PDXDC1: variants seen among roughly 807,000 people sequenced by gnomAD.
PDXDC1 encodes pyridoxal-dependent decarboxylase domain-containing protein 1.
A neutral mutation model predicts 100.1 loss-of-function variants in PDXDC1; 42 were observed. The observed-to-expected ratio is 0.42, with a 90% confidence interval of 0.33 to 0.54. The LOEUF (loss-of-function observed/expected upper bound fraction) is 0.54, where lower values mean the gene tolerates loss of function less well. Ranked by LOEUF, PDXDC1 falls within the 20% of genes least tolerant of loss-of-function variation. The probability of loss-of-function intolerance (pLI) is 0.10; values close to 1 mark genes in which losing one functional copy is unlikely to be tolerated. For missense variants in PDXDC1, 636 were observed against 979.2 expected (o/e 0.65, Z 4.68); for synonymous variants, 260 against 371.7 (o/e 0.70, Z 3.46).
Position 15,037,359 on chromosome 16 carries a change from G to A in PDXDC1, c.*1084G>A, listed in dbSNP as rs2043521024. 6.6e-6 allele frequency: 1 copy of A among 152,190 alleles called. No homozygotes were observed. The highest frequency in any genetic ancestry group is 6.5e-5 in the Admixed American group (1 of 15,286). 9.4% of individuals were successfully genotyped at this position (152,190 alleles called of 1,614,324 possible). A position where few individuals can be genotyped will look rare whatever the true frequency, so the allele number is the denominator to read the frequency against. ...AAGCTTTTGGGAGACCTGAAAATGG[G>A]AAAATTCACACTGGGTTTCTGGACT... On this transcript the variant is annotated 3_prime_UTR_variant, in exon 23 of 23. Coordinates refer to ENST00000396410, the MANE Select transcript of PDXDC1 (RefSeq NM_015027.4).
chr16:15,094,154 G>A, intron 16 of PDXDC1: 13 of 1,599,042 alleles, frequency 8.1e-6, no homozygotes, highest in Admixed American at 3.5e-5. Context: ...CCCAGTCCTC[G>A]ACGCGCCCAG....
At chr16:14,993,295 C>CCCCCA in intron 1 of PDXDC1, among the ~76,000 whole-genome samples, 1 of 111,832 alleles carries the variant, frequency 8.9e-6, no homozygotes, top group Admixed American at 1.4e-4. Context: ...CTCCTCCCTC[C>CCCCCA]CCCCACCCCA....
Position 15,130,806 on chromosome 16 carries a change from G to A in PDXDC1, c.1400-8073G>A, listed in dbSNP as rs995085518. On this transcript the variant is annotated intron_variant, in intron 16 of 16. Coordinates refer to the PDXDC1 transcript ENST00000535621. ...CAGGTAGCGGCCTGGGGCAGAACGC[G>A]CAGGTCACACGCCTGCTGGGAAGCT... is the stretch of plus-strand genomic sequence containing the variant. 14 of 919,880 alleles carry A rather than the reference G, an allele frequency of 1.5e-5. 2 individuals carry two copies. The highest frequency in any genetic ancestry group is 4.4e-5 in the African/African-American group (3 of 68,242). 57.0% of individuals were successfully genotyped at this position (919,880 alleles called of 1,614,324 possible). A position where few individuals can be genotyped will look rare whatever the true frequency, so the allele number is the denominator to read the frequency against.
intron 16 of PDXDC1, among the ~76,000 whole-genome samples, chr16:15,062,300 AG>A (rs1367339114): frequency 1.3e-5 from 2 of 152,228 alleles, no homozygotes; most frequent in African/African-American, 4.8e-5. Context: ...AAACATGACG[AG>A]TCATTCTTGC....
chr16:15,070,990 T>G, intron 16 of PDXDC1: 1 of 698,440 alleles, frequency 1.4e-6, no homozygotes, highest in African/African-American at 1.8e-5. Flanking sequence ...ATAAACATCT[T>G]GCACAGAGTA....
chr16:15,084,382 G>C (rs989331239), intron 16 of PDXDC1, among the ~76,000 whole-genome samples: 7 of 152,142 alleles, frequency 4.6e-5, no homozygotes, highest in African/African-American at 1.7e-4. Flanking sequence ...TAGCATATCT[G>C]TTGAAGATAA....
Position 15,135,782 on chromosome 16 carries a change from T to C in PDXDC1, c.1400-3097T>C. On this transcript the variant is annotated intron_variant, in intron 16 of 16. Coordinates refer to the PDXDC1 transcript ENST00000535621. The stretch of plus-strand genomic sequence containing the variant: ...TGACCACACGCGGTATGAGCCACCC[T>C]CAGTGATGGGCACCAGGCGCTCAGG... 8 of 1,590,770 alleles carry C rather than the reference T, an allele frequency of 5.0e-6. No individual in the cohort carries two copies. In the South Asian group the frequency reaches 8.9e-5, roughly 18 times the overall value.
At chr16:14,989,160 T>A in intron 1 of PDXDC1, 1 of 1,614,186 alleles carries the variant, frequency 6.2e-7, no homozygotes, top group Non-Finnish European at 8.5e-7. Flanking sequence ...GAGGAGCTGG[T>A]GGTCTTGAAG....
At chr16:14,996,272 C>A in intron 1 of PDXDC1, 1 of 355,636 alleles carries the variant, frequency 2.8e-6, no homozygotes, top group South Asian at 2.3e-5. Flanking sequence ...GGAGGCAATG[C>A]AGTTTTAAAT....
At chr16:15,077,528 T>A (rs903388127) in intron 16 of PDXDC1, among the ~76,000 whole-genome samples, 5 of 152,278 alleles carry the variant, frequency 3.3e-5, no homozygotes, top group African/African-American at 1.2e-4. Flanking sequence ...CCCAGCCATG[T>A]GGAACTGTAA....
intron 16 of PDXDC1, chr16:15,083,378 G>A (rs1452424509): frequency 4.2e-5 from 58 of 1,389,208 alleles, no homozygotes; most frequent in Middle Eastern, 5.3e-4. Flanking sequence ...CAGCTTGGGC[G>A]ACAGAGTGAG....
intron 16 of PDXDC1, chr16:15,085,734 T>C (rs781309167): frequency 6.8e-6 from 11 of 1,611,458 alleles, no homozygotes; most frequent in Admixed American, 1.7e-5. Context: ...TATTCTGTCA[T>C]TGATCTAGAC....
chr16:15,131,607 GT>G, intron 16 of PDXDC1: 1 of 1,602,824 alleles, frequency 6.2e-7, no homozygotes, highest in African/African-American at 1.4e-5. Flanking sequence ...CAGAGGTCAG[GT>G]TGTAGGCCTG....
chr16:15,038,008 CTTTCTTTGGTAATTCATGTTTTT>C lies in PDXDC1; in HGVS notation c.*1735_*1757del. On this transcript the variant is annotated 3_prime_UTR_variant, in exon 23 of 23. Coordinates refer to ENST00000396410, the MANE Select transcript of PDXDC1 (RefSeq NM_015027.4). ...AATGGTCTGTCAGGCCAAGAAGGTG[CTTTCTTTGGTAATTCATGTTTTT>C]TAACTTCCTGGAGAAGAGATCTTTT... 6.3e-7 allele frequency: 1 copy of C among 1,592,458 alleles called. No individual in the cohort carries two copies.
intron 13 of PDXDC1, among the ~76,000 whole-genome samples, chr16:15,023,590 C>G (rs1407414428): frequency 6.6e-6 from 1 of 152,400 alleles, no homozygotes; most frequent in African/African-American, 2.4e-5. Context: ...ACCCGGGAGG[C>G]GGAGGTTGCA....
chr16:15,140,484 C>A (rs957911497), downstream of PDXDC1, among the ~76,000 whole-genome samples: 4 of 147,128 alleles, frequency 2.7e-5, no homozygotes, highest in Non-Finnish European at 4.5e-5. Context: ...GGACGGAGGG[C>A]GAGAGGGAGG....
In PDXDC1 at chr16:15,130,960, A is replaced by G; in HGVS notation, c.1400-7919A>G. 6.7e-6 allele frequency: 5 copies of G among 749,248 alleles called. No individual in the cohort carries two copies. In the South Asian group the frequency reaches 7.8e-5, roughly 12 times the overall value. The allele number at this position is 749,248 out of a possible 1,614,324, so 46.4% of individuals were successfully genotyped here. On this transcript the variant is annotated intron_variant, in intron 16 of 16. Transcript: ENST00000535621. ...CGTGGCCCCCAGCTCCTCTCCGGCCAGGCCCCCAGCAGCCCATGAAACAGA... is the reference window on the plus strand; with the variant it reads ...CGTGGCCCCCAGCTCCTCTCCGGCCGGGCCCCCAGCAGCCCATGAAACAGA...
intron 3 of PDXDC1, among the ~76,000 whole-genome samples, chr16:15,001,313 A>G (rs1015517286): frequency 2.0e-5 from 3 of 152,214 alleles, no homozygotes; most frequent in African/African-American, 2.4e-5. Context: ...ACATGGTGAA[A>G]CCCCATCTCT....
intron 19 of PDXDC1, 181 bp from the exon 20 acceptor site, chr16:15,034,105 C>A: frequency 1.6e-6 from 1 of 608,568 alleles, no homozygotes; most frequent in South Asian, 2.0e-5. Flanking sequence ...GTGTGTCTGC[C>A]TAGGCCTCTA....
Sources: allele counts gnomAD v4.1 joint callset (sites outside exome capture counted in the v4.1 genomes callset), GRCh38; gene constraint gnomAD v4.1.1; transcripts MANE v1.5; gene names NCBI Gene and HGNC (gene_info 2026-07-23, HGNC 2026-07-21).